MC2R: variants seen among roughly 807,000 people sequenced by gnomAD.
The protein encoded by MC2R is melanocortin 2 receptor.
MC2R carries 9 observed loss-of-function variants against 9.8 expected under a neutral mutation model. The observed-to-expected ratio is 0.92, with a 90% CI of 0.55 to 1.60. The LOEUF (loss-of-function observed/expected upper bound fraction) is 1.60, where lower values mean the gene tolerates loss of function less well. MC2R is among the 40% of genes most tolerant of loss of function. MC2R has a pLI of 0.00. For missense variants in MC2R, 370 were observed against 389.0 expected (o/e 0.95, Z 0.41); for synonymous variants, 185 against 154.7 (o/e 1.20, Z -1.45).
chr18:13,893,921 G>A (rs1170596759), intron 1 of MC2R, among the ~76,000 whole-genome samples: 2 of 152,190 alleles, frequency 1.3e-5, no homozygotes, highest in Non-Finnish European at 2.9e-5. Flanking sequence ...ATAGATTTGA[G>A]GTTGTTCACC....
intron 1 of MC2R, among the ~76,000 whole-genome samples, chr18:13,904,218 CA>C (rs71174201): frequency 0.017 from 2,434 of 144,450 alleles, 65 homozygotes; most frequent in African/African-American, 0.058. Flanking sequence ...ACTAAAAATA[CA>C]AAAAAAAAAA....
chr18:13,913,785 C>A (rs1250488549), intron 1 of MC2R, among the ~76,000 whole-genome samples: 1 of 152,166 alleles, frequency 6.6e-6, no homozygotes, highest in African/African-American at 2.4e-5. Flanking sequence ...AGGATTGCTG[C>A]CCGTCTATGC....
intron 1 of MC2R, among the ~76,000 whole-genome samples, chr18:13,906,330 C>A (rs1005115385): frequency 6.6e-6 from 1 of 152,044 alleles, no homozygotes; most frequent in Non-Finnish European, 1.5e-5. Context: ...AACACAGGAA[C>A]AGAAAACCAA....
At chr18:13,892,804 T>TTA (rs2045323358) in intron 1 of MC2R, among the ~76,000 whole-genome samples, 1 of 55,878 alleles carries the variant, frequency 1.8e-5, no homozygotes, top group African/African-American at 5.9e-5. Context: ...ACATAATCTG[T>TTA]TACACACACA....
In MC2R at chr18:13,884,664, G is replaced by A. The variant is rs199501141; in HGVS notation, c.855C>T (p.Asp285=). 6.2e-6 allele frequency: 10 copies of A among 1,613,794 alleles called. No homozygotes were observed. The highest frequency in any genetic ancestry group is 1.7e-4 in the Middle Eastern group (1 of 5,910). The change falls in exon 2 of 2, where the codon GAC becomes GAT. Residue 285 remains aspartate (D), a synonymous_variant. Transcript: ENST00000327606. ...IYAFRSPELR[D]AFKKMIFCSR... ...TGCAGAAGATCATCTTTTTGAATGC[G>A]TCCCTGAGCTCTGGGCTCCGGAAGG...
chr18:13,886,382 G>A (rs1321709179), intron 1 of MC2R, among the ~76,000 whole-genome samples: 1 of 152,212 alleles, frequency 6.6e-6, no homozygotes. Context: ...GTGAACACAC[G>A]TGAGTGTGGG....
intron 1 of MC2R, among the ~76,000 whole-genome samples, chr18:13,886,250 A>C (rs2045275424): frequency 6.6e-6 from 1 of 152,254 alleles, no homozygotes; most frequent in Non-Finnish European, 1.5e-5. Context: ...TAATTTAGGT[A>C]AAATAATATA....
intron 1 of MC2R, among the ~76,000 whole-genome samples, chr18:13,891,736 G>A (rs1276202626): frequency 6.6e-6 from 1 of 151,998 alleles, no homozygotes; most frequent in South Asian, 2.1e-4. Flanking sequence ...CATTCCTGCA[G>A]GCTCACAGCA....
At chr18:13,909,242 GTT>G (rs772654912) in intron 1 of MC2R, among the ~76,000 whole-genome samples, 6 of 152,132 alleles carry the variant, frequency 3.9e-5, no homozygotes, top group Non-Finnish European at 8.8e-5. Context: ...TTAGACTGGG[GTT>G]ATGGACCTTG....
At chr18:13,895,810 A>G (rs1281833317) in intron 1 of MC2R, among the ~76,000 whole-genome samples, 1 of 152,100 alleles carries the variant, frequency 6.6e-6, no homozygotes, top group African/African-American at 2.4e-5. Context: ...GGCACTAGCA[A>G]ATTCTGTGAG....
rs751822039 is a variant in MC2R, at chr18:13,884,666, C to G, written c.853G>C (p.Asp285His). 1.2e-5 allele frequency: 20 copies of G among 1,613,784 alleles called. No individual in the cohort carries two copies. The South Asian group carries it at 2.2e-4, about 18-fold the overall frequency. Residue 285 changes from aspartate to histidine, a missense_variant, in exon 2 of 2, where the codon GAC becomes CAC. Physicochemically the swap from Asp to His is moderately conservative, Grantham distance 81. Transcript: ENST00000327606. ...CAGAAGATCATCTTTTTGAATGCGTCCCTGAGCTCTGGGCTCCGGAAGGCA... is the reference window on the plus strand; with the variant it reads ...CAGAAGATCATCTTTTTGAATGCGTGCCTGAGCTCTGGGCTCCGGAAGGCA... ...IYAFRSPELRDAFKKMIFCSR... is the reference protein window; with the variant it reads ...IYAFRSPELRHAFKKMIFCSR...
intron 1 of MC2R, among the ~76,000 whole-genome samples, chr18:13,897,872 T>A (rs2045356097): frequency 6.6e-6 from 1 of 151,804 alleles, no homozygotes; most frequent in Non-Finnish European, 1.5e-5. Context: ...CAACCAGCAA[T>A]ACCCAGGTAC....
At position 13,884,352 on chromosome 18, in the gene MC2R, C is replaced by A; in HGVS notation, c.*273G>T. 1 of 497,066 alleles carries A rather than the reference C, an allele frequency of 2.0e-6. No homozygotes were observed. The highest frequency in any genetic ancestry group is 3.7e-6 in the Non-Finnish European group (1 of 273,668). 30.8% of individuals were successfully genotyped at this position (497,066 alleles called of 1,614,324 possible). ...TGGTCATTGAAAGTAATGGCAAAAA[C>A]CTTAATTACTTTTGTACCTACCTAA... On this transcript the variant is annotated 3_prime_UTR_variant, in exon 2 of 2. Transcript: ENST00000327606.
intron 1 of MC2R, among the ~76,000 whole-genome samples, chr18:13,908,170 A>G (rs74726157): frequency 0.034 from 5,222 of 152,338 alleles, 133 homozygotes; most frequent in Non-Finnish European, 0.054. Context: ...TGTGGTATAT[A>G]AACATAATGA....
intron 1 of MC2R, among the ~76,000 whole-genome samples, chr18:13,892,415 G>C (rs1414155858): frequency 6.6e-6 from 1 of 151,458 alleles, no homozygotes; most frequent in Admixed American, 6.6e-5. Flanking sequence ...TTTCCCTTGA[G>C]GGCCTACCCG....
In MC2R at chr18:13,885,135, G is replaced by C. The variant is rs751911358; in HGVS notation, c.384C>G (p.Arg128=). ...GCAGTGCGTGGAAGATGGTGATGTA[G>C]CGGTCCGCAGCAATCACAGACAGGC... ...IFSLSVIAAD[R]YITIFHALRY... Residue 128 remains arginine (R), a synonymous_variant, in exon 2 of 2, where the codon CGC becomes CGG. Transcript: ENST00000327606. 1.9e-6 allele frequency: 3 copies of C among 1,614,038 alleles called. No homozygotes were observed. The highest frequency in any genetic ancestry group is 2.5e-6 in the Non-Finnish European group (3 of 1,180,042).
intron 1 of MC2R, among the ~76,000 whole-genome samples, chr18:13,896,566 T>G (rs116506875): frequency 0.016 from 2,491 of 152,354 alleles, 62 homozygotes; most frequent in African/African-American, 0.056. Context: ...CATCTATGAT[T>G]TATTTACATT....
In MC2R at chr18:13,885,612, C is replaced by G; in HGVS notation, c.-94G>C. ...TCAGGATCTTTTCTTCCTTGTAGCA[C>G]TTGCTGGAGATCTAAGTTAAAATCT... On this transcript the variant is annotated 5_prime_UTR_variant, in exon 2 of 2. Transcript: ENST00000327606. 1 of 1,385,300 alleles carries G rather than the reference C, an allele frequency of 7.2e-7. No homozygotes were observed. The highest frequency in any genetic ancestry group is 1.0e-6 in the Non-Finnish European group (1 of 985,356). The allele number at this position is 1,385,300 out of a possible 1,614,324, so 85.8% of individuals were successfully genotyped here. A position where few individuals can be genotyped will look rare whatever the true frequency, so the allele number is the denominator to read the frequency against.
In MC2R at chr18:13,883,003, G is replaced by A. The variant is rs1003326798; in HGVS notation, c.*1622C>T. On this transcript the variant is annotated 3_prime_UTR_variant, in exon 2 of 2. Transcript: ENST00000327606. ...GCCATGTGAAAGCACGCCTGCCACT[G>A]TCCTCACTTGACTCCAGCTGCCTTG... 2.6e-5 allele frequency: 4 copies of A among 152,274 alleles called. No individual in the cohort carries two copies. The highest frequency in any genetic ancestry group is 4.4e-5 in the Non-Finnish European group (3 of 68,104). 9.4% of individuals were successfully genotyped at this position (152,274 alleles called of 1,614,324 possible). A position where few individuals can be genotyped will look rare whatever the true frequency, so the allele number is the denominator to read the frequency against.
Sources: allele counts gnomAD v4.1 joint callset (sites outside exome capture counted in the v4.1 genomes callset), GRCh38; gene constraint gnomAD v4.1.1; transcripts MANE v1.5; gene names NCBI Gene and HGNC (gene_info 2026-07-23, HGNC 2026-07-21).